ZNF385D: variants seen among roughly 807,000 people sequenced by gnomAD.
The protein encoded by ZNF385D is zinc finger protein 385D.
ZNF385D carries 15 observed loss-of-function variants against 35.8 expected under a neutral mutation model. The observed-to-expected ratio is 0.42, with a 90% confidence interval of 0.28 to 0.64. The LOEUF (loss-of-function observed/expected upper bound fraction) is 0.64. ZNF385D is among the 30% of genes least tolerant of loss of function. The pLI is 0.23. For synonymous variants in ZNF385D, 212 were observed against 186.8 expected, an observed-to-expected ratio of 1.13 and a Z score of -1.10; for missense variants, 474 against 494.6, an observed-to-expected ratio of 0.96 and a Z score of 0.39.
intron 4 of ZNF385D, among the ~76,000 whole-genome samples, chr3:21,476,367 T>A (rs1215824705): frequency 1.3e-5 from 2 of 152,098 alleles, no homozygotes; most frequent in Admixed American, 6.6e-5. Flanking sequence ...GAAGCAATTA[T>A]CCTTGAAAGG....
intron 3 of ZNF385D, among the ~76,000 whole-genome samples, chr3:21,825,437 T>C (rs1694541379): frequency 6.6e-6 from 1 of 152,124 alleles, no homozygotes; most frequent in Non-Finnish European, 1.5e-5. Flanking sequence ...AAAAAACAGA[T>C]TATAAAACTA....
At chr3:22,276,846 C>T (rs1701455745) in intron 2 of ZNF385D, among the ~76,000 whole-genome samples, 1 of 151,930 alleles carries the variant, frequency 6.6e-6, no homozygotes, top group African/African-American at 2.4e-5. Flanking sequence ...ATAAAGGGTA[C>T]AATTTTAGTT....
intron 1 of ZNF385D, among the ~76,000 whole-genome samples, chr3:21,687,601 A>G (rs926653830): frequency 6.6e-6 from 1 of 152,124 alleles, no homozygotes; most frequent in Admixed American, 6.6e-5. Context: ...CATAGTTTAC[A>G]TTAAGGTTTA....
In ZNF385D at chr3:21,586,248, G is replaced by T. The variant is rs552759418; in HGVS notation, c.166-21564C>A. On this transcript the variant is annotated intron_variant, in intron 2 of 7. Transcript: ENST00000281523. ...AAGTATGTTGGAATACAAATATTGA[G>T]GTGGGTAGGCCTGTATTGGCCTTCC... 3.9e-5 allele frequency among the ~76,000 whole-genome samples: 6 copies of T among 152,220 alleles called. No individual in the cohort carries two copies. In the South Asian group the frequency reaches 8.3e-4, roughly 21 times the overall value.
intron 3 of ZNF385D, chr3:21,849,728 T>C (rs1696263615): frequency 6.6e-6 from 1 of 150,590 alleles, no homozygotes; most frequent in Admixed American, 6.7e-5. Context: ...ACCTAAAAGA[T>C]TTGAGAAACT....
chr3:21,758,050 T>G (rs893908607), intron 3 of ZNF385D, among the ~76,000 whole-genome samples: 4 of 152,252 alleles, frequency 2.6e-5, no homozygotes, highest in Non-Finnish European at 5.9e-5. Context: ...ACAAGTTTTA[T>G]TCACTACCTG....
At chr3:22,092,691 T>C (rs1259627004) in intron 3 of ZNF385D, among the ~76,000 whole-genome samples, 1 of 152,148 alleles carries the variant, frequency 6.6e-6, no homozygotes, top group Non-Finnish European at 1.5e-5. Context: ...TTCTGTTTAT[T>C]CTTTGCTAGC....
intron 2 of ZNF385D, among the ~76,000 whole-genome samples, chr3:22,211,198 T>C (rs1697499713): frequency 6.6e-6 from 1 of 151,952 alleles, no homozygotes; most frequent in African/African-American, 2.4e-5. Context: ...GCATAAATAA[T>C]ATTTATAGTT....
At chr3:22,078,424 T>A (rs1213807122) in intron 3 of ZNF385D, among the ~76,000 whole-genome samples, 1 of 152,070 alleles carries the variant, frequency 6.6e-6, no homozygotes, top group Non-Finnish European at 1.5e-5. Context: ...CAAGTGTGAA[T>A]GTGTCCTTCT....
chr3:21,860,473 T>G (rs1366947326), intron 3 of ZNF385D, among the ~76,000 whole-genome samples: 1 of 68,154 alleles, frequency 1.5e-5, no homozygotes, highest in Non-Finnish European at 3.3e-5. Context: ...TTGACTACTT[T>G]TATAAGCTGA....
At chr3:21,880,133 C>T (rs535823712) in intron 3 of ZNF385D, among the ~76,000 whole-genome samples, 1 of 151,788 alleles carries the variant, frequency 6.6e-6, no homozygotes, top group Non-Finnish European at 1.5e-5. Context: ...TTTAAAGGTT[C>T]CAGAAGCATA....
chr3:21,610,911 G>A (rs913956297), intron 2 of ZNF385D, among the ~76,000 whole-genome samples: 6 of 152,180 alleles, frequency 3.9e-5, no homozygotes, highest in Non-Finnish European at 5.9e-5. Flanking sequence ...CTGAGGCAAG[G>A]CTGGGAAAGA....
intron 3 of ZNF385D, among the ~76,000 whole-genome samples, chr3:21,935,890 A>G (rs1701233292): frequency 6.6e-6 from 1 of 152,176 alleles, no homozygotes; most frequent in Non-Finnish European, 1.5e-5. Context: ...CATCATGTAA[A>G]CAGAGTTTGG....
chr3:21,607,586 T>C (rs369510189), intron 2 of ZNF385D, among the ~76,000 whole-genome samples: 1 of 152,136 alleles, frequency 6.6e-6, no homozygotes, highest in East Asian at 1.9e-4. Flanking sequence ...CTTGGAAAAC[T>C]ACCCCATCCT....
At chr3:21,957,979 T>C (rs1170784071) in intron 3 of ZNF385D, among the ~76,000 whole-genome samples, 2 of 152,128 alleles carry the variant, frequency 1.3e-5, no homozygotes, top group South Asian at 4.1e-4. Context: ...TGTATTCACA[T>C]CAGCACCCTG....
intron 2 of ZNF385D, among the ~76,000 whole-genome samples, chr3:21,565,423 G>A (rs1426088108): frequency 6.6e-6 from 1 of 152,070 alleles, no homozygotes; most frequent in African/African-American, 2.4e-5. Flanking sequence ...TGGTTGCTCT[G>A]GCTGGAGTGC....
chr3:22,071,422 C>G (rs1700223710), intron 3 of ZNF385D, among the ~76,000 whole-genome samples: 1 of 152,122 alleles, frequency 6.6e-6, no homozygotes, highest in Non-Finnish European at 1.5e-5. Flanking sequence ...CAGCTTCATA[C>G]TAGAGGTCAC....
At chr3:21,666,942 G>A (rs1486881460) in intron 1 of ZNF385D, among the ~76,000 whole-genome samples, 1 of 151,896 alleles carries the variant, frequency 6.6e-6, no homozygotes, top group Non-Finnish European at 1.5e-5. Context: ...GCCAAATGTG[G>A]GGTGCACACC....
rs148136551 is a variant in ZNF385D, at chr3:22,049,297, AAAAAT to A, written c.325+119515_325+119519del. ...GGAAACAAGAGCGAAACTCAATCTC[AAAAAT>A]AAAATAAAATAAAATAAAATAAAAT... On this transcript the variant is annotated intron_variant, in intron 3 of 5. Transcript: ENST00000494108. Among the ~76,000 whole-genome samples, 453 of 141,554 alleles carry A rather than the reference AAAAAT, an allele frequency of 3.2e-3. 4 individuals are homozygous for A. The highest frequency in any genetic ancestry group is 1.0e-2 in the African/African-American group (385 of 38,540). The allele number at this position is 141,554 out of a possible 152,430, so 92.9% of individuals were successfully genotyped here.
Sources: allele counts gnomAD v4.1 joint callset (sites outside exome capture counted in the v4.1 genomes callset), GRCh38; gene constraint gnomAD v4.1.1; transcripts MANE v1.5; gene names NCBI Gene and HGNC (gene_info 2026-07-23, HGNC 2026-07-21).